Variants in STOM observed in about 807,000 individuals in gnomAD.
STOM encodes stomatin.
A neutral mutation model predicts 30.6 loss-of-function variants in STOM; 25 were observed. The observed-to-expected ratio is 0.82, with a 90% confidence interval of 0.60 to 1.14. The LOEUF (loss-of-function observed/expected upper bound fraction) is 1.14. Among genes scored for constraint, STOM ranks in the 50% most tolerant of loss-of-function variants. The pLI is 0.00. For synonymous variants in STOM, 118 were observed against 130.8 expected, an observed-to-expected ratio of 0.90 and a Z score of 0.67; for missense variants, 292 against 365.2, an observed-to-expected ratio of 0.80 and a Z score of 1.63.
chr9:121,356,249 T>C, intron 1 of STOM, 93 bp from the exon 2 acceptor site: 2 of 1,006,878 alleles, frequency 2.0e-6, no homozygotes, highest in South Asian at 3.0e-5. Flanking sequence ...ACCTATGTGC[T>C]TGGCACTACA....
chr9:121,365,214 C>G (rs562676589), intron 1 of STOM, among the ~76,000 whole-genome samples: 1 of 152,018 alleles, frequency 6.6e-6, no homozygotes, highest in East Asian at 1.9e-4. Flanking sequence ...AGTACAGAAC[C>G]ATCTCCTGCC....
Position 121,341,146 on chromosome 9 carries a change from TA to T in STOM, c.*55del. On this transcript the variant is annotated 3_prime_UTR_variant, in exon 7 of 7. Coordinates refer to ENST00000286713, the MANE Select transcript of STOM (RefSeq NM_004099.6). ...AAAGCCCTACCCTCTCTTTATGAGT[TA>T]AAGGCTAATTTGGTCCCCGACTTCA... 6.2e-7 allele frequency: 1 copy of T among 1,610,952 alleles called. No individual in the cohort carries two copies. The highest frequency in any genetic ancestry group is 8.5e-7 in the Non-Finnish European group (1 of 1,177,640).
chr9:121,356,037 A>G lies in STOM; in HGVS notation c.165+16T>C, dbSNP rs757131877. On this transcript the variant is annotated intron_variant, in intron 2 of 6. Coordinates refer to ENST00000286713, the MANE Select transcript of STOM (RefSeq NM_004099.6). ...GGAGTTGACCCCTTCCCAGAAGTGA[A>G]TGAAATGTTCTTTACCTTTATGCAC... is the stretch of plus-strand genomic sequence containing the variant. 7 of 1,610,150 alleles carry G rather than the reference A, an allele frequency of 4.3e-6. No individual in the cohort carries two copies. Among genetic ancestry groups the G allele is most frequent in the Non-Finnish European group, 5.9e-6 (7 of 1,176,914 alleles).
rs777660521 is a variant in STOM at position 121,354,631 on chromosome 9, G to A, written c.208C>T (p.Arg70Cys). Reference protein sequence around the residue: ...YERAIIFRLGRILQGGAKGPG... With the variant: ...YERAIIFRLGCILQGGAKGPG... ...CCTTTGGCTCCTCCTTGTAAAATGC[G>A]ACCCAATCTAAAGATGATGGCTCTT... Residue 70 changes from arginine to cysteine, a missense_variant, in exon 3 of 7, where the codon CGC becomes TGC. Arg to Cys is a radical substitution (Grantham distance 180). Transcript: ENST00000286713. 14 of 1,612,416 alleles carry A rather than the reference G, an allele frequency of 8.7e-6. No homozygotes were observed. The highest frequency in any genetic ancestry group is 6.6e-5 in the South Asian group (6 of 90,804).
intron 1 of STOM, among the ~76,000 whole-genome samples, chr9:121,359,171 G>A (rs1201116148): frequency 6.6e-6 from 1 of 152,170 alleles, no homozygotes. Flanking sequence ...CTGCTCAGAA[G>A]AAAGGGCAAA....
intron 3 of STOM, 66 bp downstream of exon 3, chr9:121,354,535 C>G: frequency 1.5e-6 from 2 of 1,370,290 alleles, no homozygotes; most frequent in East Asian, 2.4e-5. Flanking sequence ...AAACAACTAC[C>G]TAAAAATAAA....
chr9:121,347,812 A>T (rs2064302585), intron 6 of STOM, among the ~76,000 whole-genome samples: 1 of 152,228 alleles, frequency 6.6e-6, no homozygotes, highest in Non-Finnish European at 1.5e-5. Context: ...AAACCTGGTC[A>T]AATAAAATCC....
At position 121,356,173 on chromosome 9, in the gene STOM, A is replaced by G. The variant is rs772570024; in HGVS notation, c.62-17T>C. On this transcript the variant is annotated splice_polypyrimidine_tract_variant and intron_variant, in intron 1 of 6. Coordinates refer to ENST00000286713, the MANE Select transcript of STOM (RefSeq NM_004099.6). ...TGGGGCTGTCTGTTGAAAACAAAAAATATACAACTCTCACAACTGTTACTA... is the reference window on the plus strand; with the variant it reads ...TGGGGCTGTCTGTTGAAAACAAAAAGTATACAACTCTCACAACTGTTACTA... 6.2e-7 allele frequency: 1 copy of G among 1,601,186 alleles called. No homozygotes were observed. The highest frequency in any genetic ancestry group is 8.6e-7 in the Non-Finnish European group (1 of 1,169,158).
intron 1 of STOM, among the ~76,000 whole-genome samples, chr9:121,363,469 G>C (rs916302356): frequency 6.6e-6 from 1 of 152,124 alleles, no homozygotes; most frequent in Non-Finnish European, 1.5e-5. Flanking sequence ...AAAGAACCAG[G>C]AACTAAATAT....
intron 1 of STOM, among the ~76,000 whole-genome samples, chr9:121,364,134 T>G (rs1442942619): frequency 2.0e-5 from 3 of 152,024 alleles, no homozygotes; most frequent in Non-Finnish European, 4.4e-5. Context: ...CAAAGAGAGA[T>G]AGATTAAAAA....
At chr9:121,346,009 G>T (rs1346749346) in intron 6 of STOM, among the ~76,000 whole-genome samples, 1 of 150,686 alleles carries the variant, frequency 6.6e-6, no homozygotes, top group Non-Finnish European at 1.5e-5. Context: ...TAATTTTTTT[G>T]AGAAGAAGTC....
intron 1 of STOM, among the ~76,000 whole-genome samples, chr9:121,363,529 A>G (rs1435695054): frequency 6.6e-6 from 1 of 152,246 alleles, no homozygotes; most frequent in African/African-American, 2.4e-5. Context: ...TTTGCAGTGC[A>G]AAAGAAGCCA....
chr9:121,354,754 C>A (rs1298587814), intron 2 of STOM, 81 bp from the exon 3 acceptor site: 17 of 1,055,992 alleles, frequency 1.6e-5, no homozygotes, highest in Non-Finnish European at 2.3e-5. Context: ...TATATTTCTG[C>A]TCTAAACAGA....
intron 1 of STOM, among the ~76,000 whole-genome samples, chr9:121,363,131 T>A (rs888673119): frequency 6.6e-6 from 1 of 152,216 alleles, no homozygotes; most frequent in African/African-American, 2.4e-5. Context: ...GCTAAGGAAT[T>A]ACTGAAATAC....
intron 4 of STOM, among the ~76,000 whole-genome samples, chr9:121,351,550 A>G (rs1281093268): frequency 1.3e-5 from 2 of 152,162 alleles, no homozygotes; most frequent in African/African-American, 4.8e-5. Flanking sequence ...CCCCTTCATG[A>G]TGTTTTCAGG....
At chr9:121,353,415 G>A (rs1238749347) in intron 3 of STOM, 113 bp from the exon 4 acceptor site, 45 of 550,680 alleles carry the variant, frequency 8.2e-5, no homozygotes, top group Non-Finnish European at 1.6e-5. Context: ...GTTCATCTTC[G>A]TGAATGAGCC....
Position 121,340,561 on chromosome 9 carries a change from AC to A in STOM, c.*640del, listed in dbSNP as rs1183782183. 1.6e-6 allele frequency: 1 copy of A among 623,916 alleles called. No homozygotes were observed. The highest frequency in any genetic ancestry group is 2.0e-5 in the African/African-American group (1 of 49,924). 38.6% of individuals were successfully genotyped at this position (623,916 alleles called of 1,614,324 possible). On this transcript the variant is annotated 3_prime_UTR_variant, in exon 7 of 7. Transcript: ENST00000286713. ...TGACTAGCCTGGCCAACATGGTGAA[AC>A]CCCGTCTCTACTAAAAAACAATAAT... is the stretch of plus-strand genomic sequence containing the variant.
At chr9:121,348,858 A>T (rs2134026792) in intron 5 of STOM, among the ~76,000 whole-genome samples, 1 of 152,352 alleles carries the variant, frequency 6.6e-6, no homozygotes, top group Admixed American at 6.5e-5. Context: ...CTCTGTTCTA[A>T]ACAAAAAGGT....
intron 1 of STOM, among the ~76,000 whole-genome samples, chr9:121,361,654 C>T (rs1443817451): frequency 1.3e-5 from 2 of 152,146 alleles, no homozygotes; most frequent in Non-Finnish European, 2.9e-5. Flanking sequence ...TCCCAAAGTG[C>T]TGGGATTACA....
Sources: gnomAD v4.1 joint callset for allele counts (sites outside exome capture counted in the v4.1 genomes callset) on GRCh38, gnomAD v4.1.1 for gene constraint, MANE v1.5 for transcripts, NCBI Gene and HGNC (gene_info 2026-07-23, HGNC 2026-07-21) for gene names.